FBXL7: variants seen among roughly 807,000 people sequenced by gnomAD.
The protein encoded by FBXL7 is F-box and leucine rich repeat protein 7, also known as F-box/LRR-repeat protein 7.
In FBXL7, 12 loss-of-function variants were observed where a neutral mutation model predicts 38.3. The ratio of observed to expected loss-of-function variants is 0.31; its 90% CI spans 0.20 to 0.51. FBXL7 has a LOEUF of 0.51. Among genes scored for constraint, FBXL7 ranks in the 20% least tolerant of loss-of-function variants. The pLI is 0.98. For missense variants in FBXL7, 567 were observed against 676.4 expected, an observed-to-expected ratio of 0.84 and a Z score of 1.79; for synonymous variants, 297 against 300.9, an observed-to-expected ratio of 0.99 and a Z score of 0.13.
intron 2 of FBXL7, among the ~76,000 whole-genome samples, chr5:15,917,186 C>G (rs1490467877): frequency 1.3e-5 from 2 of 152,152 alleles, no homozygotes; most frequent in African/African-American, 4.8e-5. Context: ...ACATTCTGCT[C>G]TCATGATTTT....
intron 2 of FBXL7, among the ~76,000 whole-genome samples, chr5:15,745,283 G>T (rs1735985875): frequency 6.6e-6 from 1 of 152,256 alleles, no homozygotes; most frequent in Non-Finnish European, 1.5e-5. Flanking sequence ...CAAAACCCTA[G>T]TGTAAGCTAA....
chr5:15,930,964 G>A (rs1028345203), intron 3 of FBXL7, among the ~76,000 whole-genome samples: 8 of 152,166 alleles, frequency 5.3e-5, no homozygotes, highest in South Asian at 2.1e-4. Flanking sequence ...GCTGGGCCCC[G>A]ATAGTGGCCA....
chr5:15,751,145 A>G (rs566077015), intron 2 of FBXL7, among the ~76,000 whole-genome samples: 33 of 152,276 alleles, frequency 2.2e-4, no homozygotes, highest in African/African-American at 7.5e-4. Flanking sequence ...AGATATTTCC[A>G]TGATGTTCAG....
At chr5:15,884,920 T>C (rs1388405037) in intron 2 of FBXL7, among the ~76,000 whole-genome samples, 1 of 152,172 alleles carries the variant, frequency 6.6e-6, no homozygotes, top group Non-Finnish European at 1.5e-5. Flanking sequence ...TTCCAATCAA[T>C]GATGGAGAAT....
intron 2 of FBXL7, among the ~76,000 whole-genome samples, chr5:15,879,262 T>A (rs1045304543): frequency 8.5e-5 from 13 of 152,182 alleles, no homozygotes; most frequent in African/African-American, 3.1e-4. Flanking sequence ...GTAACCTGAT[T>A]CTCAGTTGTG....
intron 1 of FBXL7, among the ~76,000 whole-genome samples, chr5:15,571,631 G>A (rs1738785076): frequency 6.6e-6 from 1 of 152,088 alleles, no homozygotes; most frequent in Admixed American, 6.5e-5. Context: ...TGGTAGCCTG[G>A]CATTGTTAAG....
At chr5:15,899,140 C>A (rs987392992) in intron 2 of FBXL7, among the ~76,000 whole-genome samples, 6 of 152,128 alleles carry the variant, frequency 3.9e-5, no homozygotes, top group Non-Finnish European at 5.9e-5. Context: ...AATCTCGGCT[C>A]ACCGCAACCT....
chr5:15,764,268 A>G (rs1227658383), intron 2 of FBXL7, among the ~76,000 whole-genome samples: 1 of 152,230 alleles, frequency 6.6e-6, no homozygotes, highest in East Asian at 1.9e-4. Flanking sequence ...CGTGATGTGA[A>G]TGGAGAACAT....
At chr5:15,783,734 G>A (rs910298701) in intron 2 of FBXL7, among the ~76,000 whole-genome samples, 1 of 152,132 alleles carries the variant, frequency 6.6e-6, no homozygotes, top group Non-Finnish European at 1.5e-5. Context: ...GAGGTGAAGG[G>A]AGCATTCAGA....
At chr5:15,603,642 C>T (rs1371728355) in intron 1 of FBXL7, among the ~76,000 whole-genome samples, 1 of 152,226 alleles carries the variant, frequency 6.6e-6, no homozygotes, top group African/African-American at 2.4e-5. Flanking sequence ...CAGTTATAGA[C>T]ATGGGTATTT....
intron 2 of FBXL7, among the ~76,000 whole-genome samples, chr5:15,659,800 G>A (rs544942385): frequency 1.2e-4 from 18 of 152,210 alleles, no homozygotes; most frequent in South Asian, 6.2e-4. Flanking sequence ...TGACAATGTC[G>A]TCACCATATA....
intron 1 of FBXL7, among the ~76,000 whole-genome samples, chr5:15,564,303 C>A (rs926805078): frequency 2.0e-5 from 3 of 151,718 alleles, no homozygotes; most frequent in Non-Finnish European, 4.4e-5. Context: ...GTCATTCTTA[C>A]ATTTTGTTTC....
intron 1 of FBXL7, among the ~76,000 whole-genome samples, chr5:15,557,992 A>G (rs1377212366): frequency 2.0e-5 from 3 of 152,214 alleles, no homozygotes; most frequent in African/African-American, 7.2e-5. Context: ...GCCAGGGGCT[A>G]AGTGGAGGGG....
intron 2 of FBXL7, among the ~76,000 whole-genome samples, chr5:15,751,708 GA>G (rs1387072301): frequency 5.3e-5 from 8 of 152,292 alleles, no homozygotes; most frequent in Non-Finnish European, 1.0e-4. Context: ...ATGTCAAAGG[GA>G]GGGGTGCAAG....
intron 1 of FBXL7, among the ~76,000 whole-genome samples, chr5:15,516,976 C>A (rs533569114): frequency 6.6e-6 from 1 of 152,102 alleles, no homozygotes; most frequent in East Asian, 1.9e-4. Context: ...AGCGTGAGAA[C>A]GGACTAATAC....
At chr5:15,918,315 C>T (rs1208440458) in intron 2 of FBXL7, among the ~76,000 whole-genome samples, 2 of 152,076 alleles carry the variant, frequency 1.3e-5, no homozygotes, top group Non-Finnish European at 2.9e-5. Flanking sequence ...TTTGATAAAA[C>T]CATGAAGAGT....
At chr5:15,867,956 T>A (rs947567614) in intron 2 of FBXL7, among the ~76,000 whole-genome samples, 7 of 151,852 alleles carry the variant, frequency 4.6e-5, no homozygotes, top group African/African-American at 1.7e-4. Context: ...ATACAAAAAT[T>A]AGCCGGGTGT....
intron 2 of FBXL7, among the ~76,000 whole-genome samples, chr5:15,727,237 T>C (rs542212085): frequency 6.6e-6 from 1 of 152,320 alleles, no homozygotes; most frequent in South Asian, 2.1e-4. Flanking sequence ...AATGGAGTTA[T>C]ATCTCATTGT....
chr5:15,746,369 A>T (rs1736013927), intron 2 of FBXL7, among the ~76,000 whole-genome samples: 1 of 152,150 alleles, frequency 6.6e-6, no homozygotes, highest in Non-Finnish European at 1.5e-5. Flanking sequence ...CTATATATAG[A>T]TGATGTTTGA....
Sources: gnomAD v4.1 joint callset for allele counts (sites outside exome capture counted in the v4.1 genomes callset) on GRCh38, gnomAD v4.1.1 for gene constraint, MANE v1.5 for transcripts, NCBI Gene and HGNC (gene_info 2026-07-23, HGNC 2026-07-21) for gene names.